The following ADAM32 variants were observed in gnomAD, a reference collection of about 807,000 sequenced individuals.
The protein encoded by ADAM32 is disintegrin and metalloproteinase domain-containing protein 32.
A neutral mutation model predicts 114.9 loss-of-function variants in ADAM32; 89 were observed. The ratio of observed to expected loss-of-function variants is 0.77; its 90% confidence interval spans 0.65 to 0.92. The LOEUF (loss-of-function observed/expected upper bound fraction) is 0.92. Ranked by LOEUF, ADAM32 falls within the 40% of genes least tolerant of loss-of-function variation. The pLI is 0.00. For missense variants in ADAM32, 870 were observed against 932.8 expected, an observed-to-expected ratio of 0.93 and a Z score of 0.88; for synonymous variants, 285 against 307.5, an observed-to-expected ratio of 0.93 and a Z score of 0.77.
chr8:39,187,099 G>A, intron 11 of ADAM32, 54 bp downstream of exon 11: 1 of 1,496,890 alleles, frequency 6.7e-7, no homozygotes, highest in Non-Finnish European at 9.0e-7. Context: ...TAAATATTCA[G>A]AGTGTGAAAA....
At chr8:39,233,477 A>C (rs936239901) in intron 15 of ADAM32, among the ~76,000 whole-genome samples, 2 of 152,168 alleles carry the variant, frequency 1.3e-5, no homozygotes, top group Non-Finnish European at 2.9e-5. Context: ...GGATGACCAG[A>C]GGTCACTTTC....
chr8:39,149,995 C>A, intron 5 of ADAM32, 128 bp downstream of exon 5: 1 of 572,438 alleles, frequency 1.7e-6, no homozygotes. Flanking sequence ...TGATATCCCC[C>A]TCTGAACATG....
intron 6 of ADAM32, among the ~76,000 whole-genome samples, chr8:39,153,885 C>G (rs926205859): frequency 6.6e-6 from 1 of 152,060 alleles, no homozygotes; most frequent in Non-Finnish European, 1.5e-5. Flanking sequence ...GCACATATGT[C>G]AGCCAAATTG....
intron 14 of ADAM32, among the ~76,000 whole-genome samples, chr8:39,225,799 T>A (rs1809324857): frequency 6.6e-6 from 1 of 151,830 alleles, no homozygotes; most frequent in African/African-American, 2.4e-5. Context: ...TTTTTTTTTT[T>A]AAATCAGTGA....
intron 12 of ADAM32, 84 bp downstream of exon 12, chr8:39,211,408 G>A: frequency 7.9e-7 from 1 of 1,266,980 alleles, no homozygotes; most frequent in Non-Finnish European, 1.0e-6. Context: ...TCTCAAATGT[G>A]AATGAGTACC....
intron 11 of ADAM32, among the ~76,000 whole-genome samples, chr8:39,191,343 G>A (rs1806591839): frequency 6.6e-6 from 1 of 152,140 alleles, no homozygotes; most frequent in African/African-American, 2.4e-5. Context: ...TTTCTACAAT[G>A]GTTGAACTAA....
chr8:39,198,509 C>G (rs929324955), intron 11 of ADAM32, among the ~76,000 whole-genome samples: 3 of 152,132 alleles, frequency 2.0e-5, no homozygotes, highest in African/African-American at 7.2e-5. Flanking sequence ...CCTCAAGTAG[C>G]TGGGACTACA....
intron 9 of ADAM32, chr8:39,166,597 C>T (rs1804853839): frequency 6.6e-5 from 10 of 152,220 alleles, no homozygotes. Flanking sequence ...GCTTTTAGAT[C>T]TTTAAGGAAT....
chr8:39,158,684 A>G (rs4733906), intron 6 of ADAM32: 159,192 of 165,072 alleles, frequency 0.96, 77,059 homozygotes, highest in East Asian at 1. Flanking sequence ...TTGGAGCAAA[A>G]GATTTCCTGC....
chr8:39,274,413 A>G, intron 21 of ADAM32, 63 bp downstream of exon 21: 4 of 1,528,502 alleles, frequency 2.6e-6, no homozygotes, highest in South Asian at 1.2e-5. Context: ...TTGATAATTC[A>G]CAATTTATTT....
chr8:39,233,924 T>G lies in ADAM32; in HGVS notation c.1660T>G (p.Cys554Gly). The change falls in exon 16 of 25, where the codon TGT becomes GGT. Residue 554 changes from cysteine (C) to glycine (G), a missense_variant. Coordinates refer to ENST00000379907, the MANE Select transcript of ADAM32 (RefSeq NM_145004.7). ...GAATCTTATATGTGGAAGATTAGTT[T>G]GTACCTACCCTACTCGAAAGCCTTT... The part of the protein sequence containing the change: ...WRNLICGRLV[C>G]TYPTRKPFHQ... The G allele has an allele frequency of 6.4e-7, 1 of 1,564,096 alleles. No homozygotes were observed. Among genetic ancestry groups the G allele is most frequent in the Non-Finnish European group, 8.6e-7 (1 of 1,156,344 alleles).
intron 19 of ADAM32, among the ~76,000 whole-genome samples, chr8:39,269,017 C>T (rs754395574): frequency 2.6e-5 from 4 of 151,918 alleles, no homozygotes; most frequent in Non-Finnish European, 4.4e-5. Flanking sequence ...TTTACTCTGG[C>T]TCAGGCAGTT....
chr8:39,176,144 T>C (rs1805514399), intron 10 of ADAM32, among the ~76,000 whole-genome samples: 1 of 152,196 alleles, frequency 6.6e-6, no homozygotes, highest in African/African-American at 2.4e-5. Flanking sequence ...GCTCCTGGAT[T>C]CATTGATTTT....
At chr8:39,207,093 T>C (rs990909213) in intron 11 of ADAM32, among the ~76,000 whole-genome samples, 10 of 152,148 alleles carry the variant, frequency 6.6e-5, no homozygotes, top group Admixed American at 5.2e-4. Context: ...GGATCTTGTT[T>C]ACCTTTTCTT....
intron 6 of ADAM32, chr8:39,158,483 T>C: frequency 3.6e-6 from 1 of 276,850 alleles, no homozygotes; most frequent in Non-Finnish European, 6.9e-6. Context: ...GGTCATAGCC[T>C]CTACCCCTTC....
intron 1 of ADAM32, among the ~76,000 whole-genome samples, chr8:39,109,201 T>C (rs1384665069): frequency 6.6e-6 from 1 of 152,220 alleles, no homozygotes; most frequent in Non-Finnish European, 1.5e-5. Context: ...GTTTAACATA[T>C]TAGAAATTAA....
intron 10 of ADAM32, among the ~76,000 whole-genome samples, chr8:39,170,981 T>C (rs1428019506): frequency 6.6e-6 from 1 of 152,156 alleles, no homozygotes; most frequent in Non-Finnish European, 1.5e-5. Flanking sequence ...TATGCCAGGC[T>C]GGAGTGCAGC....
intron 2 of ADAM32, among the ~76,000 whole-genome samples, chr8:39,118,848 A>G (rs912537967): frequency 1.3e-5 from 2 of 152,192 alleles, no homozygotes; most frequent in Non-Finnish European, 2.9e-5. Context: ...TTGTGCAAAC[A>G]TTACCACAGT....
chr8:39,159,331 A>T (rs1320592356), intron 6 of ADAM32, among the ~76,000 whole-genome samples: 2 of 152,222 alleles, frequency 1.3e-5, no homozygotes, highest in African/African-American at 4.8e-5. Flanking sequence ...TGGTTTTTAC[A>T]GATTGACTCT....
Sources: gnomAD v4.1 joint callset for allele counts (sites outside exome capture counted in the v4.1 genomes callset) on GRCh38, gnomAD v4.1.1 for gene constraint, MANE v1.5 for transcripts, NCBI Gene and HGNC (gene_info 2026-07-23, HGNC 2026-07-21) for gene names.